PITPNC1: variants seen among roughly 807,000 people sequenced by gnomAD.
PITPNC1 encodes the protein phosphatidylinositol transfer protein cytoplasmic 1, also known as cytoplasmic phosphatidylinositol transfer protein 1.
In PITPNC1, 18 loss-of-function variants were observed where a neutral mutation model predicts 44.7. The ratio of observed to expected loss-of-function variants is 0.40; its 90% CI spans 0.28 to 0.60. The LOEUF (loss-of-function observed/expected upper bound fraction) is 0.60. Ranked by LOEUF, PITPNC1 falls within the 20% of genes least tolerant of loss-of-function variation. The probability of loss-of-function intolerance (pLI) is 0.39; values close to 1 mark genes in which losing one functional copy is unlikely to be tolerated. For missense variants in PITPNC1, 290 were observed against 418.4 expected (o/e 0.69, Z 2.68); for synonymous variants, 141 against 149.6 (o/e 0.94, Z 0.42).
intron 1 of PITPNC1, among the ~76,000 whole-genome samples, chr17:67,507,187 T>C (rs553610101): frequency 2.0e-5 from 3 of 152,172 alleles, no homozygotes; most frequent in African/African-American, 7.2e-5. Context: ...AAAGAATGAC[T>C]GAGTCACTGA....
At chr17:67,487,741 C>A (rs200568273) in intron 1 of PITPNC1, among the ~76,000 whole-genome samples, 1 of 152,108 alleles carries the variant, frequency 6.6e-6, no homozygotes, top group Admixed American at 6.6e-5. Flanking sequence ...CAAGTGTAAG[C>A]GCTGTTCTGG....
intron 4 of PITPNC1, among the ~76,000 whole-genome samples, chr17:67,571,539 T>C (rs2041058017): frequency 6.6e-6 from 1 of 152,232 alleles, no homozygotes; most frequent in Admixed American, 6.5e-5. Flanking sequence ...CTCAGGCAAC[T>C]CACCAGGTAG....
At chr17:67,404,777 G>A (rs1240568491) in intron 1 of PITPNC1, among the ~76,000 whole-genome samples, 4 of 152,206 alleles carry the variant, frequency 2.6e-5, no homozygotes, top group African/African-American at 9.7e-5. Flanking sequence ...TTATTCTATG[G>A]GGAAGCTGGT....
intron 8 of PITPNC1, among the ~76,000 whole-genome samples, chr17:67,683,989 AAAAAG>A (rs1173441948): frequency 1.0e-4 from 15 of 149,930 alleles, no homozygotes; most frequent in Middle Eastern, 3.2e-3. Flanking sequence ...AAAAAAAAAA[AAAAAG>A]AAAAGAAAAG....
At chr17:67,423,496 C>G (rs1453733180) in intron 1 of PITPNC1, among the ~76,000 whole-genome samples, 1 of 152,148 alleles carries the variant, frequency 6.6e-6, no homozygotes, top group Non-Finnish European at 1.5e-5. Context: ...ATTTTCAAAT[C>G]TGATTACTAG....
rs568252160 is a variant in PITPNC1, at chr17:67,489,944, A to G, written c.49-42858A>G. ...TTTTTAGTAGAGACGGGGTTTCACC[A>G]TGTTGGCCAGGCTGGTCTCGAACCT... On this transcript the variant is annotated intron_variant, in intron 1 of 8. Transcript: ENST00000581322. 3.9e-5 allele frequency among the ~76,000 whole-genome samples: 6 copies of G among 152,108 alleles called. No individual in the cohort carries two copies. In the East Asian group the frequency reaches 1.2e-3, roughly 29 times the overall value.
At chr17:67,545,594 T>C (rs958838407) in intron 2 of PITPNC1, among the ~76,000 whole-genome samples, 2 of 151,922 alleles carry the variant, frequency 1.3e-5, no homozygotes, top group Non-Finnish European at 2.9e-5. Flanking sequence ...TAACATAAAA[T>C]ATGGGTCTCT....
chr17:67,513,682 A>G (rs1041227045), intron 1 of PITPNC1, among the ~76,000 whole-genome samples: 1 of 151,964 alleles, frequency 6.6e-6, no homozygotes, highest in African/African-American at 2.4e-5. Context: ...AGTGCAATCA[A>G]TGAGTGGTCA....
intron 1 of PITPNC1, among the ~76,000 whole-genome samples, chr17:67,506,639 C>T (rs1978735): frequency 6.6e-6 from 1 of 151,682 alleles, no homozygotes; most frequent in Non-Finnish European, 1.5e-5. Context: ...AATGACTTTT[C>T]AGTACTTACT....
chr17:67,433,080 G>A (rs143951231), intron 1 of PITPNC1, among the ~76,000 whole-genome samples: 388 of 152,332 alleles, frequency 2.5e-3, no homozygotes, highest in African/African-American at 8.8e-3. Context: ...GGAGGCGACA[G>A]TTGAGCAGAG....
intron 1 of PITPNC1, among the ~76,000 whole-genome samples, chr17:67,408,420 C>T (rs1256397260): frequency 6.6e-6 from 1 of 152,048 alleles, no homozygotes; most frequent in Non-Finnish European, 1.5e-5. Flanking sequence ...ATCCCAGCTA[C>T]TCTGGAGGCT....
At chr17:67,558,664 G>A (rs1314319189) in intron 4 of PITPNC1, among the ~76,000 whole-genome samples, 1 of 152,014 alleles carries the variant, frequency 6.6e-6, no homozygotes, top group Non-Finnish European at 1.5e-5. Context: ...CCTCTCCACC[G>A]GCATCTCTCT....
chr17:67,389,052 C>G (rs1320710899), intron 1 of PITPNC1, among the ~76,000 whole-genome samples: 1 of 152,258 alleles, frequency 6.6e-6, no homozygotes, highest in Non-Finnish European at 1.5e-5. Context: ...AAGCTGACAT[C>G]AAGGCGTCAG....
At chr17:67,467,077 T>G (rs1307854711) in intron 1 of PITPNC1, among the ~76,000 whole-genome samples, 12 of 149,034 alleles carry the variant, frequency 8.1e-5, no homozygotes, top group African/African-American at 3.0e-4. Flanking sequence ...TTTTTTTTTT[T>G]GAGATGAATC....
At chr17:67,392,987 G>A (rs867043097) in intron 1 of PITPNC1, among the ~76,000 whole-genome samples, 8 of 152,042 alleles carry the variant, frequency 5.3e-5, no homozygotes, top group Middle Eastern at 3.4e-3. Flanking sequence ...AAAGTTAGCC[G>A]GGCATGGTGG....
intron 1 of PITPNC1, among the ~76,000 whole-genome samples, chr17:67,503,127 A>G (rs2040057224): frequency 6.6e-6 from 1 of 152,146 alleles, no homozygotes; most frequent in Non-Finnish European, 1.5e-5. Context: ...TGGAGATGTC[A>G]AAGAAAACAT....
rs72848145 is a variant in PITPNC1, at chr17:67,509,538, A to C, written c.49-23264A>C. ...GGCAACAGAGTGAGGCTCCATCTCTAAATTAAATTAAATTGAATTAAAAAT... is the reference window on the plus strand; with the variant it reads ...GGCAACAGAGTGAGGCTCCATCTCTCAATTAAATTAAATTGAATTAAAAAT... On this transcript the variant is annotated intron_variant, in intron 1 of 8. Transcript: ENST00000581322. Among the ~76,000 whole-genome samples the C allele has an allele frequency of 5.7e-3, 853 of 150,072 alleles. 10 individuals carry two copies. The highest frequency in any genetic ancestry group is 9.2e-3 in the Non-Finnish European group (626 of 67,804).
At position 67,642,485 on chromosome 17, in the gene PITPNC1, GACA is replaced by G. The variant is rs548839701; in HGVS notation, c.462+10252_462+10254del. Reference sequence around the variant, plus strand: ...TGAACAAATTGCCCTCAGCCATCTTGACAACAATAAGATTTTATTAATGAATAG... The same window carrying G: ...TGAACAAATTGCCCTCAGCCATCTTGACAATAAGATTTTATTAATGAATAG... On this transcript the variant is annotated intron_variant, in intron 6 of 8. Coordinates refer to ENST00000581322, the MANE Select transcript of PITPNC1 (RefSeq NM_012417.4). Among the ~76,000 whole-genome samples, 179 of 152,190 alleles carry G rather than the reference GACA, an allele frequency of 1.2e-3. 1 individual carries two copies. Among genetic ancestry groups the G allele is most frequent in the African/African-American group, 4.2e-3 (176 of 41,516 alleles).
intron 1 of PITPNC1, among the ~76,000 whole-genome samples, chr17:67,459,003 TCTC>T (rs911565307): frequency 7.0e-4 from 106 of 152,142 alleles, no homozygotes; most frequent in African/African-American, 2.4e-3. Flanking sequence ...ACAAAATTGT[TCTC>T]CTAGACCCCT....
Sources: gnomAD v4.1 joint callset for allele counts (sites outside exome capture counted in the v4.1 genomes callset) on GRCh38, gnomAD v4.1.1 for gene constraint, MANE v1.5 for transcripts, NCBI Gene and HGNC (gene_info 2026-07-23, HGNC 2026-07-21) for gene names.